ROCK2: variants seen among roughly 807,000 people sequenced by gnomAD.
ROCK2 encodes the protein rho-associated protein kinase 2.
A neutral mutation model predicts 195.1 loss-of-function variants in ROCK2; 61 were observed. The observed-to-expected ratio is 0.31, with a 90% CI of 0.25 to 0.39. The LOEUF is 0.39. ROCK2 is among the 10% of genes least tolerant of loss of function. The pLI, the probability that ROCK2 is intolerant of heterozygous loss-of-function variation, is 1.00. For synonymous variants in ROCK2, 504 were observed against 545.5 expected (o/e 0.92, Z 1.06); for missense variants, 1,109 against 1,637.4 (o/e 0.68, Z 5.57).
At chr2:11,281,345 G>C (rs1026755578) in intron 3 of ROCK2, among the ~76,000 whole-genome samples, 1 of 151,682 alleles carries the variant, frequency 6.6e-6, no homozygotes, top group African/African-American at 2.4e-5. Flanking sequence ...AAGAACAAAA[G>C]CAAGGACATT....
chr2:11,270,541 T>A (rs1666590313), intron 3 of ROCK2, among the ~76,000 whole-genome samples: 1 of 152,238 alleles, frequency 6.6e-6, no homozygotes, highest in African/African-American at 2.4e-5. Context: ...TTCTGATGTT[T>A]TCAGTCTTCC....
chr2:11,211,875 AAG>A, intron 17 of ROCK2, 35 bp from the exon 18 acceptor site: 1 of 1,493,010 alleles, frequency 6.7e-7, no homozygotes, highest in Non-Finnish European at 9.0e-7. Flanking sequence ...ATCAACAAAA[AAG>A]AGACTAGCTC....
chr2:11,334,347 C>T (rs1216927727), intron 1 of ROCK2, among the ~76,000 whole-genome samples: 1 of 151,884 alleles, frequency 6.6e-6, no homozygotes, highest in Non-Finnish European at 1.5e-5. Context: ...CTCATCTCTA[C>T]TAAAACACAA....
chr2:11,344,186 G>C lies in ROCK2; in HGVS notation c.-50C>G. The C allele has an allele frequency of 1.4e-6, 2 of 1,383,048 alleles. No homozygotes were observed. The highest frequency in any genetic ancestry group is 1.9e-6 in the Non-Finnish European group (2 of 1,073,566). 85.7% of individuals were successfully genotyped at this position (1,383,048 alleles called of 1,614,324 possible). A position where few individuals can be genotyped will look rare whatever the true frequency, so the allele number is the denominator to read the frequency against. ...AGGCTCCTCGCGCTCAGGTCCCGCA[G>C]CCTCGGGGCCTAGCACCGCCCCCGA... is the stretch of plus-strand genomic sequence containing the variant. On this transcript the variant is annotated 5_prime_UTR_variant, in exon 1 of 33. Transcript: ENST00000315872. This position sits in a 1 kb window ranked among gnomAD's most constrained non-coding sequence, Gnocchi z 5.4.
chr2:11,318,662 A>G (rs939829051), intron 1 of ROCK2, among the ~76,000 whole-genome samples: 1 of 152,164 alleles, frequency 6.6e-6, no homozygotes, highest in African/African-American at 2.4e-5. Context: ...TGTTTTAGAC[A>G]TGAAGTCCTT....
chr2:11,231,009 C>T (rs963439811), intron 5 of ROCK2, among the ~76,000 whole-genome samples: 2 of 151,902 alleles, frequency 1.3e-5, no homozygotes, highest in Non-Finnish European at 2.9e-5. Flanking sequence ...TTAGCAAATA[C>T]ATATTTAATA....
In ROCK2 at chr2:11,192,830, G is replaced by A. The variant is rs903509229; in HGVS notation, c.3688-118C>T. The stretch of plus-strand genomic sequence containing the variant: ...CTAAATTATTCAAAGAGAAGAAAAT[G>A]TATCTGAAGTACAAACTTAAGCTCT... On this transcript the variant is annotated intron_variant, in intron 30 of 32. Coordinates refer to ENST00000315872, the MANE Select transcript of ROCK2 (RefSeq NM_004850.5). This position sits in a 1 kb window ranked among gnomAD's most constrained non-coding sequence, Gnocchi z 5.0. The A allele has an allele frequency of 1.9e-5, 21 of 1,132,138 alleles. No individual in the cohort carries two copies. In the Admixed American group the frequency reaches 3.9e-4, roughly 21 times the overall value. The allele number at this position is 1,132,138 out of a possible 1,614,324, so 70.1% of individuals were successfully genotyped here.
intron 3 of ROCK2, among the ~76,000 whole-genome samples, chr2:11,251,376 T>G (rs866575632): frequency 2.8e-4 from 43 of 152,382 alleles, no homozygotes; most frequent in Middle Eastern, 3.4e-3. Flanking sequence ...CCAGGCACTG[T>G]GTGTTTTGAT....
At chr2:11,254,942 G>A (rs1665970421) in intron 3 of ROCK2, among the ~76,000 whole-genome samples, 1 of 152,006 alleles carries the variant, frequency 6.6e-6, no homozygotes, top group Non-Finnish European at 1.5e-5. Context: ...TGGGGGCCGG[G>A]CGCAGTGGCT....
intron 20 of ROCK2, 40 bp from the exon 21 acceptor site, chr2:11,202,161 A>T (rs752463012): frequency 2.0e-6 from 3 of 1,524,454 alleles, no homozygotes; most frequent in East Asian, 4.5e-5. Flanking sequence ...TAACTTACAC[A>T]TATTTTAAAC....
chr2:11,211,363 TTAC>T (rs1664238723), intron 18 of ROCK2, among the ~76,000 whole-genome samples: 1 of 152,168 alleles, frequency 6.6e-6, no homozygotes, highest in African/African-American at 2.4e-5. Context: ...ATATTCCTTC[TTAC>T]TACTGATACA....
chr2:11,267,011 A>C (rs1223446410), intron 3 of ROCK2, among the ~76,000 whole-genome samples: 1 of 152,200 alleles, frequency 6.6e-6, no homozygotes, highest in Non-Finnish European at 1.5e-5. Context: ...TCTTTCCTTT[A>C]ACAGATTAAA....
intron 2 of ROCK2, 117 bp downstream of exon 2, chr2:11,287,536 CTT>C (rs1667237455): frequency 5.3e-6 from 2 of 376,254 alleles, no homozygotes; most frequent in Non-Finnish European, 4.9e-6. Flanking sequence ...AAGCAAAAGA[CTT>C]AAGTTTAATA....
At chr2:11,248,708 C>CAAAAAAAACA (rs1665714202) in intron 4 of ROCK2, among the ~76,000 whole-genome samples, 1 of 45,412 alleles carries the variant, frequency 2.2e-5, no homozygotes, top group Non-Finnish European at 3.4e-5. Flanking sequence ...GACTTCATCT[C>CAAAAAAAACA]AAAAAAAAAA....
Position 11,208,467 on chromosome 2 carries a change from C to A in ROCK2, c.2204-20G>T, listed in dbSNP as rs1200935178. 1.1e-5 allele frequency: 15 copies of A among 1,381,264 alleles called. No homozygotes were observed. The highest frequency in any genetic ancestry group is 1.4e-5 in the Non-Finnish European group (15 of 1,035,202). The allele number at this position is 1,381,264 out of a possible 1,614,324, so 85.6% of individuals were successfully genotyped here. A position where few individuals can be genotyped will look rare whatever the true frequency, so the allele number is the denominator to read the frequency against. On this transcript the variant is annotated intron_variant, in intron 18 of 32. Transcript: ENST00000315872. Reference sequence around the variant, plus strand: ...CCATTTCTAGTATAATAAAAATGGACACAATCATAAATTTACAAATAAAAG... The same window carrying A: ...CCATTTCTAGTATAATAAAAATGGAAACAATCATAAATTTACAAATAAAAG...
chr2:11,309,155 C>T (rs551094788), intron 1 of ROCK2, among the ~76,000 whole-genome samples: 1 of 148,926 alleles, frequency 6.7e-6, no homozygotes, highest in Admixed American at 6.9e-5. Flanking sequence ...TTTATTGTAG[C>T]TTTTGAAACA....
chr2:11,344,625 GGCCGCCCGTCTCCGGCCGCGC>G (rs952403821), exon 1 of ROCK2: 7 of 204,788 alleles, frequency 3.4e-5, no homozygotes, highest in Non-Finnish European at 5.8e-5. The surrounding 1 kb of genome is among the most constrained non-coding windows in gnomAD (Gnocchi z 5.4). Context: ...ACTCCCGCGC[GGCCGCCCGTCTCCGGCCGCGC>G]GCCGCCGCTA....
intron 1 of ROCK2, among the ~76,000 whole-genome samples, chr2:11,314,444 C>CCAGTAT (rs10623937): frequency 6.6e-6 from 1 of 151,662 alleles, no homozygotes; most frequent in African/African-American, 2.4e-5. Context: ...ACTTCATTTA[C>CCAGTAT]ATTTATTGGT....
intron 3 of ROCK2, among the ~76,000 whole-genome samples, chr2:11,263,024 G>A (rs1212233318): frequency 6.6e-6 from 1 of 152,064 alleles, no homozygotes; most frequent in Non-Finnish European, 1.5e-5. Flanking sequence ...AAGATCAAAT[G>A]GGGGATACAG....
Sources: gnomAD v4.1 joint callset for allele counts (sites outside exome capture counted in the v4.1 genomes callset) on GRCh38, gnomAD v4.1.1 for gene constraint, Gnocchi (gnomAD v3.1) non-coding constraint, MANE v1.5 for transcripts, NCBI Gene and HGNC (gene_info 2026-07-23, HGNC 2026-07-21) for gene names.